Variants in ARMC3 observed in about 807,000 individuals in gnomAD.
ARMC3 encodes the protein armadillo repeat containing 3.
In ARMC3, 74 loss-of-function variants were observed where a neutral mutation model predicts 90.3. The observed-to-expected ratio is 0.82, with a 90% CI of 0.68 to 0.99. The LOEUF (loss-of-function observed/expected upper bound fraction) is 0.99. Among genes scored for constraint, ARMC3 ranks in the 50% least tolerant of loss-of-function variants. The pLI, the probability that ARMC3 is intolerant of heterozygous loss-of-function variation, is 0.00. For synonymous variants in ARMC3, 334 were observed against 361.8 expected (o/e 0.92, Z 0.87); for missense variants, 958 against 1,042.8 (o/e 0.92, Z 1.12).
intron 8 of ARMC3, among the ~76,000 whole-genome samples, chr10:22,973,789 C>T (rs1383969913): frequency 7.0e-5 from 8 of 114,998 alleles, no homozygotes; most frequent in African/African-American, 1.4e-4. Context: ...GACAGAATCT[C>T]GCTCTGTCAC....
chr10:23,033,534 G>A lies in ARMC3; in HGVS notation c.2409+511G>A, dbSNP rs1043850189. ...CAAAATAATACAGGTATGAGAATCAGTGATCTATCTGAGGAAGGGTAGAAT... is the reference window on the plus strand; with the variant it reads ...CAAAATAATACAGGTATGAGAATCAATGATCTATCTGAGGAAGGGTAGAAT... On this transcript the variant is annotated intron_variant, in intron 18 of 18. Transcript: ENST00000298032. 2.0e-5 allele frequency among the ~76,000 whole-genome samples: 3 copies of A among 152,184 alleles called. 1 individual carries two copies. The highest frequency in any genetic ancestry group is 7.2e-5 in the African/African-American group (3 of 41,440).
intron 17 of ARMC3, 149 bp from the exon 18 acceptor site, chr10:23,032,712 A>G (rs2131571775): frequency 1.3e-6 from 1 of 780,198 alleles, no homozygotes; most frequent in South Asian, 1.9e-5. Flanking sequence ...AAGCATAACT[A>G]TTTATGGTTA....
At chr10:22,999,760 G>C (rs1482738548) in intron 11 of ARMC3, among the ~76,000 whole-genome samples, 4 of 152,220 alleles carry the variant, frequency 2.6e-5, no homozygotes, top group Non-Finnish European at 5.9e-5. Context: ...GGCCCATGCT[G>C]TCTGCCCAAA....
intron 14 of ARMC3, among the ~76,000 whole-genome samples, chr10:23,007,784 A>AAATGT (rs1837699361): frequency 6.6e-6 from 1 of 152,122 alleles, no homozygotes; most frequent in South Asian, 2.1e-4. Context: ...ATTTTATACA[A>AAATGT]ATAATTTCTG....
intron 18 of ARMC3, among the ~76,000 whole-genome samples, chr10:23,035,245 T>C (rs1385169594): frequency 1.3e-5 from 2 of 152,162 alleles, no homozygotes; most frequent in Admixed American, 1.3e-4. Flanking sequence ...ACTAATCCCA[T>C]CGTGGGGTCT....
intron 10 of ARMC3, among the ~76,000 whole-genome samples, chr10:22,993,399 A>G (rs1836798731): frequency 6.6e-6 from 1 of 152,236 alleles, no homozygotes; most frequent in South Asian, 2.1e-4. Context: ...GTATAATTGG[A>G]GAAGCATGAG....
chr10:23,025,480 T>C (rs890100587), intron 16 of ARMC3, among the ~76,000 whole-genome samples: 8 of 152,082 alleles, frequency 5.3e-5, no homozygotes, highest in Non-Finnish European at 8.8e-5. Flanking sequence ...AATTGAATGA[T>C]GCACTTCTCA....
intron 8 of ARMC3, 92 bp from the exon 9 acceptor site, chr10:22,981,248 T>C: frequency 8.2e-7 from 1 of 1,218,224 alleles, no homozygotes; most frequent in Middle Eastern, 2.8e-4. Context: ...CCAAATTGTT[T>C]GAATTCCTAT....
At chr10:22,995,299 G>A (rs7909174) in intron 10 of ARMC3, among the ~76,000 whole-genome samples, 125,508 of 152,100 alleles carry the variant, frequency 0.83, 52,004 homozygotes, top group African/African-American at 0.86. Flanking sequence ...CAAGTTCTGG[G>A]CTCTACTTCT....
chr10:22,972,098 T>C (rs745525510), intron 8 of ARMC3, among the ~76,000 whole-genome samples: 1 of 152,214 alleles, frequency 6.6e-6, no homozygotes, highest in Non-Finnish European at 1.5e-5. Flanking sequence ...TAACCCCTTA[T>C]CAGATATTAT....
intron 3 of ARMC3, among the ~76,000 whole-genome samples, chr10:22,949,675 G>C (rs1183527514): frequency 6.6e-6 from 1 of 152,118 alleles, no homozygotes; most frequent in Admixed American, 6.6e-5. Context: ...GGGAGACAGG[G>C]ACAGAAAAAG....
chr10:22,929,970 C>G (rs774607522), intron 1 of ARMC3, among the ~76,000 whole-genome samples: 12 of 152,174 alleles, frequency 7.9e-5, no homozygotes, highest in Non-Finnish European at 1.6e-4. Context: ...AAAACACTAT[C>G]CTGAAGTAGG....
intron 3 of ARMC3, among the ~76,000 whole-genome samples, chr10:22,954,948 G>A (rs527859986): frequency 3.1e-4 from 47 of 152,252 alleles, no homozygotes; most frequent in African/African-American, 9.9e-4. Context: ...TTCAGTCTGC[G>A]TCCTAAGGCC....
intron 16 of ARMC3, among the ~76,000 whole-genome samples, chr10:23,019,463 A>G (rs1588930612): frequency 6.6e-6 from 1 of 152,356 alleles, no homozygotes; most frequent in South Asian, 2.1e-4. Context: ...ATCAGGATAC[A>G]AAACAGTTCC....
intron 7 of ARMC3, 51 bp downstream of exon 7, chr10:22,962,129 A>G: frequency 1.6e-6 from 2 of 1,286,138 alleles, no homozygotes; most frequent in Non-Finnish European, 1.0e-6. Flanking sequence ...ATCTCTCCCA[A>G]ATGTTTAAAA....
intron 4 of ARMC3, among the ~76,000 whole-genome samples, chr10:22,958,374 A>G (rs1342181467): frequency 1.3e-5 from 2 of 152,244 alleles, no homozygotes; most frequent in African/African-American, 4.8e-5. Context: ...TCTTACTTGC[A>G]TTCTGTACAA....
chr10:23,034,855 A>G (rs947795106), intron 18 of ARMC3, among the ~76,000 whole-genome samples: 1 of 152,128 alleles, frequency 6.6e-6, no homozygotes, highest in Non-Finnish European at 1.5e-5. Flanking sequence ...ATATGGCCTT[A>G]AATAGTACCT....
In ARMC3 at chr10:22,998,237, T is replaced by C. The variant is rs778671150; in HGVS notation, c.1265T>C (p.Leu422Ser). ...DGAIANAATV[L>S]TNMAMQEPLR... ...GCCATTGCCAACGCTGCTACAGTAT[T>C]AACAAACATGGCCATGCAGGAGCCC... The change falls in exon 11 of 19, where the codon TTA becomes TCA. Residue 422 changes from leucine to serine, a missense_variant. Leu to Ser is a moderately radical substitution (Grantham distance 145). Transcript: ENST00000298032. The C allele has an allele frequency of 5.6e-6, 9 of 1,612,938 alleles. No homozygotes were observed. Among genetic ancestry groups the C allele is most frequent in the Non-Finnish European group, 7.6e-6 (9 of 1,179,420 alleles).
chr10:22,992,886 G>C (rs552005868), intron 10 of ARMC3, among the ~76,000 whole-genome samples: 7 of 152,144 alleles, frequency 4.6e-5, no homozygotes, highest in African/African-American at 1.7e-4. Flanking sequence ...TCCTGCAGCC[G>C]GCAAGGCTTA....
Sources: allele counts gnomAD v4.1 joint callset (sites outside exome capture counted in the v4.1 genomes callset), GRCh38; gene constraint gnomAD v4.1.1; transcripts MANE v1.5; gene names NCBI Gene and HGNC (gene_info 2026-07-23, HGNC 2026-07-21).